Variants in EXOC7 observed in about 807,000 individuals in gnomAD.
The protein encoded by EXOC7 is exocyst complex component 7, also known as exocyst complex component Exo70.
Under a neutral mutation model 87.6 loss-of-function variants are expected in EXOC7, and 51 were observed. The observed-to-expected ratio is 0.58, with a 90% CI of 0.46 to 0.73. The LOEUF is 0.73. Among genes scored for constraint, EXOC7 ranks in the 30% least tolerant of loss-of-function variants. EXOC7 has a pLI of 0.00. For synonymous variants in EXOC7, 327 were observed against 357.1 expected, an observed-to-expected ratio of 0.92 and a Z score of 0.95; for missense variants, 744 against 888.4, an observed-to-expected ratio of 0.84 and a Z score of 2.07.
At position 76,100,439 on chromosome 17, in the gene EXOC7, T is replaced by C. The variant is rs959714468; in HGVS notation, c.417+832A>G. On this transcript the variant is annotated intron_variant, in intron 4 of 18. Coordinates refer to ENST00000589210, the MANE Select transcript of EXOC7 (RefSeq NM_001013839.4). ...GTCAGAAGTTTGTGACCAAACTGGC[T>C]AACATGGTGAAATCCCGTTTCTACT... Among the ~76,000 whole-genome samples, 63 of 149,026 alleles carry C rather than the reference T, an allele frequency of 4.2e-4. 1 individual carries two copies. The highest frequency in any genetic ancestry group is 1.5e-3 in the African/African-American group (59 of 40,370).
chr17:76,100,628 C>T (rs1447724092), intron 4 of EXOC7, among the ~76,000 whole-genome samples: 1 of 141,668 alleles, frequency 7.1e-6, no homozygotes, highest in Admixed American at 6.8e-5. Flanking sequence ...AGCAAAACTC[C>T]ATCTCAAAAA....
At chr17:76,085,925 C>T in intron 13 of EXOC7, 128 bp from the exon 14 acceptor site, 3 of 1,521,278 alleles carry the variant, frequency 2.0e-6, no homozygotes, top group South Asian at 1.2e-5. Context: ...GCCCAACTCC[C>T]CTCAGCCTCT....
chr17:76,088,479 G>A lies in EXOC7; in HGVS notation c.1284C>T (p.Phe428=), dbSNP rs201032204. 15 of 1,613,948 alleles carry A rather than the reference G, an allele frequency of 9.3e-6. No individual in the cohort carries two copies. The highest frequency in any genetic ancestry group is 1.7e-5 in the Admixed American group (1 of 60,002). The part of the protein sequence containing the change: ...ETIGAKALED[F]ADNIKNDPDK... ...CAGCAGGGACCTTGATGTTGTCTGC[G>A]AAGTCCTCCAGCGCTTTGGCACCGA... Residue 428 remains phenylalanine, a synonymous_variant, in exon 10 of 19, where the codon TTC becomes TTT. Transcript: ENST00000589210.
intron 11 of EXOC7, 110 bp from the exon 12 acceptor site, chr17:76,087,830 G>A (rs2067282064): frequency 1.7e-6 from 2 of 1,201,150 alleles, no homozygotes; most frequent in African/African-American, 1.5e-5. Context: ...GATCCGCCCA[G>A]TGAAGAGCGC....
At chr17:76,102,014 A>G in intron 2 of EXOC7, 151 bp from the exon 3 acceptor site, 1 of 597,548 alleles carries the variant, frequency 1.7e-6, no homozygotes, top group Non-Finnish European at 2.9e-6. Context: ...TCCCCACTGT[A>G]TCTTCAGCAC....
At position 76,094,515 on chromosome 17, in the gene EXOC7, T is replaced by A; in HGVS notation, c.707A>T (p.Glu236Val). 1 of 1,614,070 alleles carries A rather than the reference T, an allele frequency of 6.2e-7. No individual in the cohort carries two copies. The highest frequency in any genetic ancestry group is 8.5e-7 in the Non-Finnish European group (1 of 1,180,012). The change falls in exon 6 of 19, where the codon GAG becomes GTG. Residue 236 changes from glutamate to valine, a missense_variant. Transcript: ENST00000589210. ...QLDRSIKGLK[E>V]HFHKSSSSSG... ...GGAAGAACTGCTCTTATGGAAATGC[T>A]CCTTCAGTCCTTTGATGGAGCGGTC...
At chr17:76,094,274 G>T in intron 6 of EXOC7, 140 bp downstream of exon 6, 1 of 877,134 alleles carries the variant, frequency 1.1e-6, no homozygotes, top group Non-Finnish European at 1.7e-6. Flanking sequence ...CTTGCTTTCT[G>T]TCCTGTGTAC....
chr17:76,096,839 A>G (rs2067782982), intron 5 of EXOC7, among the ~76,000 whole-genome samples: 1 of 152,128 alleles, frequency 6.6e-6, no homozygotes, highest in Non-Finnish European at 1.5e-5. Flanking sequence ...TACAGGCATG[A>G]GCCACTGCAC....
intron 7 of EXOC7, chr17:76,089,918 C>A (rs930311964): frequency 5.1e-6 from 1 of 194,776 alleles, no homozygotes; most frequent in East Asian, 1.4e-4. Flanking sequence ...GGAGGCCAGA[C>A]CCTATTACTG....
intron 12 of EXOC7, chr17:76,087,437 A>C: frequency 1.7e-6 from 1 of 582,432 alleles, no homozygotes; most frequent in South Asian, 2.2e-5. Context: ...AGGACGGTCA[A>C]AGGGGCTGAG....
chr17:76,087,146 G>C (rs1251546832), intron 12 of EXOC7: 1 of 474,932 alleles, frequency 2.1e-6, no homozygotes, highest in Non-Finnish European at 3.8e-6. Flanking sequence ...CCCCAAAATG[G>C]GACGGGAGGA....
rs751176361 is a variant in EXOC7 at position 76,083,699 on chromosome 17, C to A, written c.2004G>T (p.Gly668=). The change falls in exon 19 of 19, where the codon GGG becomes GGT. Residue 668 remains glycine, a synonymous_variant. Transcript: ENST00000589210. ...CGATCATGTCGCCCACCTGCTCCACCCCGTACTTGATGTACTTCTCCGGGT... is the reference window on the plus strand; with the variant it reads ...CGATCATGTCGCCCACCTGCTCCACACCGTACTTGATGTACTTCTCCGGGT... ...TKNPEKYIKY[G]VEQVGDMIDR... 8 of 1,613,694 alleles carry A rather than the reference C, an allele frequency of 5.0e-6. No individual in the cohort carries two copies. The highest frequency in any genetic ancestry group is 6.8e-6 in the Non-Finnish European group (8 of 1,180,038).
intron 11 of EXOC7, 60 bp from the exon 12 acceptor site, chr17:76,087,780 C>T: frequency 6.5e-7 from 1 of 1,527,982 alleles, no homozygotes; most frequent in East Asian, 2.4e-5. Context: ...CGGCCTCCCA[C>T]AGCGACCCCT....
chr17:76,095,239 G>A (rs2067692158), intron 5 of EXOC7, among the ~76,000 whole-genome samples: 1 of 151,722 alleles, frequency 6.6e-6, no homozygotes, highest in African/African-American at 2.4e-5. Flanking sequence ...TGGGATTACA[G>A]GCATGAGCCA....
At chr17:76,094,196 T>C (rs2067634914) in intron 6 of EXOC7, 4 of 507,088 alleles carry the variant, frequency 7.9e-6, no homozygotes, top group Non-Finnish European at 1.4e-5. Context: ...AGAAGCTGTG[T>C]AACCCCAGGC....
chr17:76,093,359 T>G (rs1002913121), intron 6 of EXOC7: 2 of 152,596 alleles, frequency 1.3e-5, no homozygotes, highest in African/African-American at 2.4e-5. Flanking sequence ...CTCTACTCCC[T>G]GAGGGCAGCC....
At position 76,086,918 on chromosome 17, in the gene EXOC7, A is replaced by G. The variant is rs1260909386; in HGVS notation, c.1429+736T>C. ...CTACGGAGTGAAAGGCAGTGCACAC[A>G]GAGGGGACAGAGGGAGAGACAAAGG... On this transcript the variant is annotated intron_variant, in intron 12 of 18. Coordinates refer to ENST00000589210, the MANE Select transcript of EXOC7 (RefSeq NM_001013839.4). 5 of 1,545,798 alleles carry G rather than the reference A, an allele frequency of 3.2e-6. No individual in the cohort carries two copies. The Middle Eastern group carries it at 6.7e-4, about 207-fold the overall frequency.
Position 76,094,527 on chromosome 17 carries a change from T to C in EXOC7, c.695A>G (p.Lys232Arg), listed in dbSNP as rs1464268143. 1.2e-6 allele frequency: 2 copies of C among 1,614,022 alleles called. No individual in the cohort carries two copies. The highest frequency in any genetic ancestry group is 2.2e-5 in the South Asian group (2 of 91,070). The change falls in exon 6 of 19, where the codon AAA (lysine) becomes AGA (arginine). Residue 232 changes from lysine to arginine, a missense_variant. By Grantham distance (26) the Lys-to-Arg change is conservative. Coordinates refer to ENST00000589210, the MANE Select transcript of EXOC7 (RefSeq NM_001013839.4). The part of the protein sequence containing the change: ...IRSSQLDRSI[K>R]GLKEHFHKSS... Reference sequence around the variant, plus strand: ...CTTATGGAAATGCTCCTTCAGTCCTTTGATGGAGCGGTCCAGCTGGCTGGA... The same window carrying C: ...CTTATGGAAATGCTCCTTCAGTCCTCTGATGGAGCGGTCCAGCTGGCTGGA...
intron 5 of EXOC7, among the ~76,000 whole-genome samples, chr17:76,096,509 CT>C (rs1427760090): frequency 2.4e-5 from 2 of 82,164 alleles, no homozygotes; most frequent in Non-Finnish European, 5.5e-5. Context: ...GAGACTCTGT[CT>C]CAAAAAAAAA....
Sources: allele counts gnomAD v4.1 joint callset (sites outside exome capture counted in the v4.1 genomes callset), GRCh38; gene constraint gnomAD v4.1.1; transcripts MANE v1.5; gene names NCBI Gene and HGNC (gene_info 2026-07-23, HGNC 2026-07-21).